ME1: variants seen among roughly 807,000 people sequenced by gnomAD.
ME1 encodes malic enzyme 1.
In ME1, 74 loss-of-function variants were observed where a neutral mutation model predicts 66.4. The ratio of observed to expected loss-of-function variants is 1.11; its 90% CI spans 0.92 to 1.35. The LOEUF is 1.35. Among genes scored for constraint, ME1 ranks in the 40% most tolerant of loss-of-function variants. ME1 has a pLI of 0.00. For synonymous variants in ME1, 251 were observed against 235.6 expected, an observed-to-expected ratio of 1.07 and a Z score of -0.60; for missense variants, 750 against 694.1, an observed-to-expected ratio of 1.08 and a Z score of -0.90.
chr6:83,307,149 T>C (rs1453146005), intron 6 of ME1, among the ~76,000 whole-genome samples: 3 of 152,066 alleles, frequency 2.0e-5, no homozygotes, highest in Non-Finnish European at 2.9e-5. Context: ...TAAGTGCACA[T>C]GTTTTTACAC....
chr6:83,382,308 C>T (rs568449987), intron 3 of ME1, among the ~76,000 whole-genome samples: 14 of 151,962 alleles, frequency 9.2e-5, no homozygotes, highest in Admixed American at 1.3e-4. Context: ...ATGCAGTGGA[C>T]GCTCAATAAA....
At chr6:83,347,420 T>C (rs1204404675) in intron 4 of ME1, among the ~76,000 whole-genome samples, 3 of 152,208 alleles carry the variant, frequency 2.0e-5, no homozygotes, top group African/African-American at 4.8e-5. Context: ...ATTTATTAGA[T>C]AGTCTACAAA....
intron 3 of ME1, among the ~76,000 whole-genome samples, chr6:83,394,650 T>A (rs2128550274): frequency 6.6e-6 from 1 of 152,310 alleles, no homozygotes; most frequent in Non-Finnish European, 1.5e-5. Flanking sequence ...AATATTCCTT[T>A]TAAGGACAGT....
intron 3 of ME1, among the ~76,000 whole-genome samples, chr6:83,363,237 G>A (rs1252660132): frequency 7.2e-5 from 11 of 152,148 alleles, no homozygotes; most frequent in East Asian, 1.9e-4. Context: ...AGGGAGGAAC[G>A]CTGCCACCAG....
rs1210488044 is a variant in ME1 at position 83,239,001 on chromosome 6, A to G, written c.912+538T>C. Among the ~76,000 whole-genome samples, 3 of 151,832 alleles carry G rather than the reference A, an allele frequency of 2.0e-5. No homozygotes were observed. In the East Asian group the frequency reaches 5.8e-4, roughly 29 times the overall value. Reference sequence around the variant, plus strand: ...ATTAAGCAAGTAATAACAAAGCATAATTTGGTTTTGCTGCAGTCTCTTTCC... The same window carrying G: ...ATTAAGCAAGTAATAACAAAGCATAGTTTGGTTTTGCTGCAGTCTCTTTCC... On this transcript the variant is annotated intron_variant, in intron 8 of 13. Coordinates refer to ENST00000369705, the MANE Select transcript of ME1 (RefSeq NM_002395.6).
chr6:83,320,887 C>T (rs1003800828), intron 5 of ME1, among the ~76,000 whole-genome samples: 4 of 152,104 alleles, frequency 2.6e-5, no homozygotes, highest in African/African-American at 9.7e-5. Context: ...GGAACAGCTC[C>T]GGTCTGCAGC....
At chr6:83,347,776 T>C (rs952129776) in intron 4 of ME1, among the ~76,000 whole-genome samples, 1 of 152,316 alleles carries the variant, frequency 6.6e-6, no homozygotes, top group Admixed American at 6.5e-5. Context: ...GAGCTAATTA[T>C]AAAGTTATAG....
chr6:83,388,661 T>A (rs1302680784), intron 3 of ME1, among the ~76,000 whole-genome samples: 1 of 152,214 alleles, frequency 6.6e-6, no homozygotes, highest in African/African-American at 2.4e-5. Context: ...TCTGTTTTTC[T>A]CCAGTTAATT....
chr6:83,286,282 A>C (rs556922414), intron 6 of ME1, among the ~76,000 whole-genome samples: 72 of 152,302 alleles, frequency 4.7e-4, no homozygotes, highest in African/African-American at 1.7e-3. Flanking sequence ...AAATAATTTA[A>C]AGCATTTAGA....
chr6:83,324,465 G>T (rs137882112), intron 5 of ME1, among the ~76,000 whole-genome samples: 4,128 of 151,322 alleles, frequency 0.027, 196 homozygotes, highest in African/African-American at 0.092. Flanking sequence ...AAAGAGAGAA[G>T]AATCAAATAG....
At chr6:83,399,133 T>C (rs1769797237) in intron 2 of ME1, among the ~76,000 whole-genome samples, 1 of 151,924 alleles carries the variant, frequency 6.6e-6, no homozygotes, top group African/African-American at 2.4e-5. Context: ...TAGCTGGGAC[T>C]ACAGGCGTGC....
intron 6 of ME1, among the ~76,000 whole-genome samples, chr6:83,282,304 A>G (rs1767313556): frequency 6.6e-6 from 1 of 152,236 alleles, no homozygotes; most frequent in Admixed American, 6.5e-5. Context: ...AGCAAAAGAA[A>G]CTATCATCAG....
chr6:83,385,357 C>T (rs536176337), intron 3 of ME1, among the ~76,000 whole-genome samples: 1 of 151,892 alleles, frequency 6.6e-6, no homozygotes, highest in Non-Finnish European at 1.5e-5. Flanking sequence ...TAATAGACTG[C>T]CATAAATACC....
At chr6:83,245,101 T>C (rs138167760) in intron 7 of ME1, among the ~76,000 whole-genome samples, 69 of 152,056 alleles carry the variant, frequency 4.5e-4, no homozygotes, top group African/African-American at 1.6e-3. Context: ...GGAACACTCC[T>C]TGGAGAAGCT....
chr6:83,278,372 G>T (rs1008846264), intron 6 of ME1, among the ~76,000 whole-genome samples: 1 of 152,218 alleles, frequency 6.6e-6, no homozygotes, highest in Non-Finnish European at 1.5e-5. Context: ...TTTGACTGAA[G>T]ATTTGAGGAA....
intron 8 of ME1, among the ~76,000 whole-genome samples, chr6:83,238,799 A>AAT (rs34022791): frequency 0.021 from 2,877 of 139,192 alleles, 83 homozygotes; most frequent in African/African-American, 0.061. Context: ...TTTCTTGAAA[A>AAT]ATATATATAT....
At chr6:83,416,832 G>T (rs1562008523) in intron 1 of ME1, among the ~76,000 whole-genome samples, 1 of 150,732 alleles carries the variant, frequency 6.6e-6, no homozygotes, top group Non-Finnish European at 1.5e-5. Context: ...GGAAGTCAAA[G>T]CTGCAGTGAG....
chr6:83,228,626 T>C (rs1790242199), intron 10 of ME1, among the ~76,000 whole-genome samples, 200 bp downstream of exon 10: 1 of 152,184 alleles, frequency 6.6e-6, no homozygotes, highest in Non-Finnish European at 1.5e-5. Flanking sequence ...GAGGGGGCCA[T>C]ACGCTTCATC....
intron 6 of ME1, among the ~76,000 whole-genome samples, chr6:83,300,511 T>C (rs1583366415): frequency 6.6e-6 from 1 of 151,838 alleles, no homozygotes; most frequent in African/African-American, 2.4e-5. Context: ...ACATCCATTA[T>C]CTATAGAGAA....
Sources: gnomAD v4.1 joint callset for allele counts (sites outside exome capture counted in the v4.1 genomes callset) on GRCh38, gnomAD v4.1.1 for gene constraint, MANE v1.5 for transcripts, NCBI Gene and HGNC (gene_info 2026-07-23, HGNC 2026-07-21) for gene names.